Variants in MAGI2 observed in about 807,000 individuals in gnomAD.
MAGI2 encodes the protein membrane-associated guanylate kinase, WW and PDZ domain-containing protein 2.
In MAGI2, 35 loss-of-function variants were observed where a neutral mutation model predicts 133.3. That is an observed-to-expected ratio of 0.26 (90% CI 0.20 to 0.35). The LOEUF is 0.35. Ranked by LOEUF, MAGI2 falls within the 10% of genes least tolerant of loss-of-function variation. MAGI2 has a pLI of 1.00. For missense variants in MAGI2, 1,636 were observed against 1,863.4 expected, an observed-to-expected ratio of 0.88 and a Z score of 2.25; for synonymous variants, 729 against 710.6, an observed-to-expected ratio of 1.03 and a Z score of -0.41.
Position 79,400,060 on chromosome 7 carries a change from C to T in MAGI2, c.301+52960G>A, listed in dbSNP as rs560249398. On this transcript the variant is annotated intron_variant, in intron 1 of 21. Coordinates refer to ENST00000354212, the MANE Select transcript of MAGI2 (RefSeq NM_012301.4). The stretch of plus-strand genomic sequence containing the variant: ...ATTGTGAACTTGTGTTCATGAACCA[C>T]GTTGCTTTATCTTAGTAAAAGCCCA... 2.8e-4 allele frequency among the ~76,000 whole-genome samples: 42 copies of T among 152,268 alleles called. No homozygotes were observed. In the South Asian group the frequency reaches 7.9e-3, roughly 29 times the overall value.
chr7:78,904,254 G>A (rs1797833291), intron 2 of MAGI2: 1 of 152,210 alleles, frequency 6.6e-6, no homozygotes, highest in Middle Eastern at 3.4e-3. Context: ...AATTTCAGAT[G>A]AAGAAGAAAG....
intron 3 of MAGI2, among the ~76,000 whole-genome samples, chr7:78,561,827 T>A (rs1415448430): frequency 6.6e-6 from 1 of 152,104 alleles, no homozygotes; most frequent in Non-Finnish European, 1.5e-5. Flanking sequence ...AAAGTAAGAA[T>A]GAAGTAGCCT....
At chr7:78,718,392 A>G (rs1819929390) in intron 2 of MAGI2, among the ~76,000 whole-genome samples, 2 of 152,162 alleles carry the variant, frequency 1.3e-5, no homozygotes, top group Admixed American at 1.3e-4. Flanking sequence ...GCCACACGGC[A>G]GAGGTGAGTG....
intron 4 of MAGI2, among the ~76,000 whole-genome samples, chr7:78,509,114 G>A (rs1384253510): frequency 6.6e-6 from 1 of 150,964 alleles, no homozygotes; most frequent in African/African-American, 2.4e-5. Flanking sequence ...CTTAGATGTC[G>A]TTCAAACCAG....
At chr7:79,115,826 G>A (rs1252257509) in intron 1 of MAGI2, among the ~76,000 whole-genome samples, 3 of 118,516 alleles carry the variant, frequency 2.5e-5, no homozygotes, top group African/African-American at 1.0e-4. Context: ...AATTTAAAAT[G>A]TCTCTGAATT....
At chr7:78,143,706 G>A (rs527527242) in intron 16 of MAGI2, among the ~76,000 whole-genome samples, 5 of 152,176 alleles carry the variant, frequency 3.3e-5, no homozygotes, top group Admixed American at 2.0e-4. Flanking sequence ...TTAAAAAATC[G>A]TATGTCATTC....
At chr7:78,834,922 C>T (rs531393561) in intron 2 of MAGI2, among the ~76,000 whole-genome samples, 1 of 152,248 alleles carries the variant, frequency 6.6e-6, no homozygotes, top group Non-Finnish European at 1.5e-5. Context: ...TCCACTTCAC[C>T]TTCTGGCATG....
intron 1 of MAGI2, among the ~76,000 whole-genome samples, chr7:79,370,263 C>T (rs142801088): frequency 1.3e-5 from 2 of 152,180 alleles, no homozygotes; most frequent in East Asian, 3.9e-4. Context: ...AGCATTTTCT[C>T]ATGCTTTCAT....
At chr7:78,085,697 G>T (rs1053887762) in intron 20 of MAGI2, among the ~76,000 whole-genome samples, 1 of 151,972 alleles carries the variant, frequency 6.6e-6, no homozygotes, top group Non-Finnish European at 1.5e-5. Context: ...CCTTCATCAA[G>T]GTTCTGCCTA....
rs9649283 is a variant in MAGI2, at chr7:78,259,245, C to T, written c.1409-2664G>A. On this transcript the variant is annotated intron_variant, in intron 9 of 21. Transcript: ENST00000354212. ...TTTTTTATGTCTACTTTCATTCTTGCTCCAACATTCTTCTTAGGTTCAGGA... is the reference window on the plus strand; with the variant it reads ...TTTTTTATGTCTACTTTCATTCTTGTTCCAACATTCTTCTTAGGTTCAGGA... Among the ~76,000 whole-genome samples, 1,165 of 152,128 alleles carry T rather than the reference C, an allele frequency of 7.7e-3. 9 individuals carry two copies. The highest frequency in any genetic ancestry group is 0.018 in the South Asian group (88 of 4,830).
chr7:78,786,749 C>T (rs1826850816), intron 2 of MAGI2, among the ~76,000 whole-genome samples: 1 of 152,138 alleles, frequency 6.6e-6, no homozygotes, highest in South Asian at 2.1e-4. Context: ...TAGTGCTTAT[C>T]AGTATCTGAC....
At chr7:78,278,851 AC>A (rs1437934540) in intron 9 of MAGI2, among the ~76,000 whole-genome samples, 2 of 152,234 alleles carry the variant, frequency 1.3e-5, no homozygotes, top group East Asian at 3.9e-4. Context: ...GTGAGCCAAT[AC>A]CTACTCTGGT....
At chr7:78,536,491 T>C (rs1797943864) in intron 3 of MAGI2, among the ~76,000 whole-genome samples, 1 of 152,038 alleles carries the variant, frequency 6.6e-6, no homozygotes, top group African/African-American at 2.4e-5. Flanking sequence ...ACCTGTTGGG[T>C]AGTTACAGCT....
At chr7:78,330,689 A>G (rs1184262226) in intron 9 of MAGI2, among the ~76,000 whole-genome samples, 2 of 150,736 alleles carry the variant, frequency 1.3e-5, no homozygotes, top group Non-Finnish European at 3.0e-5. Flanking sequence ...AATATTTTCC[A>G]TATACCTGGT....
chr7:78,587,920 A>G (rs770427560), intron 3 of MAGI2, among the ~76,000 whole-genome samples: 22 of 152,248 alleles, frequency 1.4e-4, no homozygotes, highest in Non-Finnish European at 2.6e-4. Context: ...TGGAATTTAA[A>G]AGAATTACAA....
intron 1 of MAGI2, among the ~76,000 whole-genome samples, chr7:79,131,730 T>G (rs1335302807): frequency 6.6e-6 from 1 of 152,210 alleles, no homozygotes; most frequent in South Asian, 2.1e-4. Flanking sequence ...TATTGTAGCA[T>G]GTCTTTCGTT....
chr7:78,731,247 A>G (rs958056189), intron 2 of MAGI2, among the ~76,000 whole-genome samples: 2 of 152,148 alleles, frequency 1.3e-5, no homozygotes, highest in African/African-American at 4.8e-5. Context: ...TAAACATGAC[A>G]TTAGAAACAG....
chr7:78,998,172 T>G (rs1269028479), intron 2 of MAGI2, among the ~76,000 whole-genome samples: 3 of 152,188 alleles, frequency 2.0e-5, no homozygotes. Flanking sequence ...TATCCAGAAC[T>G]GCACTTAATT....
chr7:78,702,540 C>T (rs929696880), intron 2 of MAGI2, among the ~76,000 whole-genome samples: 1 of 151,980 alleles, frequency 6.6e-6, no homozygotes, highest in African/African-American at 2.4e-5. Flanking sequence ...TGACTTAATA[C>T]ATGTGAAATA....
Sources: allele counts gnomAD v4.1 joint callset (sites outside exome capture counted in the v4.1 genomes callset), GRCh38; gene constraint gnomAD v4.1.1; transcripts MANE v1.5; gene names NCBI Gene and HGNC (gene_info 2026-07-23, HGNC 2026-07-21).